Variants in A4GALT observed in about 807,000 individuals in gnomAD.
The protein encoded by A4GALT is alpha 1,4-galactosyltransferase (P1PK blood group), also known as lactosylceramide 4-alpha-galactosyltransferase.
For synonymous variants in A4GALT, 257 were observed against 220.7 expected (o/e 1.16, Z -1.46); for missense variants, 512 against 486.0 (o/e 1.05, Z -0.50).
At chr22:42,710,697 GAAATAAATAAATAAAT>G (rs57644282) in intron 1 of A4GALT, among the ~76,000 whole-genome samples, 53 of 144,396 alleles carry the variant, frequency 3.7e-4, no homozygotes, top group African/African-American at 1.2e-3. Flanking sequence ...ACTCCAGCTC[GAAATAAATAAATAAAT>G]AAATAAATAA....
intron 1 of A4GALT, among the ~76,000 whole-genome samples, chr22:42,715,065 G>A (rs1164252308): frequency 6.6e-6 from 1 of 151,406 alleles, no homozygotes; most frequent in Non-Finnish European, 1.5e-5. Flanking sequence ...CAGGACAGGA[G>A]GTCAGAAAGA....
chr22:42,693,959 C>T lies in A4GALT; in HGVS notation c.-8G>A, dbSNP rs778758676. 1.3e-6 allele frequency: 2 copies of T among 1,566,930 alleles called. No homozygotes were observed. The highest frequency in any genetic ancestry group is 2.3e-5 in the South Asian group (2 of 85,714). On this transcript the variant is annotated 5_prime_UTR_variant, in exon 3 of 3. Coordinates refer to ENST00000642412, the MANE Select transcript of A4GALT (RefSeq NM_017436.7). ...GTCGGGGGGCTTGGACATGGTATCC[C>T]CAGATCAGACCAGGAGCTTCCAGCA...
chr22:42,693,498 C>A lies in A4GALT; in HGVS notation c.454G>T (p.Asp152Tyr). The A allele has an allele frequency of 1.2e-6, 2 of 1,613,136 alleles. No homozygotes were observed. Among genetic ancestry groups the A allele is most frequent in the South Asian group, 1.1e-5 (1 of 91,064 alleles). The change falls in exon 3 of 3, where the codon GAC becomes TAC. Residue 152 changes from aspartate (D) to tyrosine (Y), a missense_variant. Coordinates refer to ENST00000642412, the MANE Select transcript of A4GALT (RefSeq NM_017436.7). ...GCGTACCAGTCGGCCAGGGGTGTGT[C>A]CCGGAACAGCTCCCGCAGGTCCAGC... Reference protein sequence around the residue: ...LPLDLRELFRDTPLADWYAAV... With the variant: ...LPLDLRELFRYTPLADWYAAV...
chr22:42,706,394 T>C (rs1446861235), intron 1 of A4GALT, among the ~76,000 whole-genome samples: 1 of 147,858 alleles, frequency 6.8e-6, no homozygotes, highest in African/African-American at 2.5e-5. Context: ...CCCACTAATC[T>C]TGAAGGAGAA....
At chr22:42,717,192 G>A (rs1477592283) in intron 1 of A4GALT, among the ~76,000 whole-genome samples, 2 of 152,190 alleles carry the variant, frequency 1.3e-5, no homozygotes, top group South Asian at 4.1e-4. Context: ...AGATGGGAGA[G>A]GAAAAGGCAC....
At chr22:42,702,929 C>G (rs1920932880) in intron 1 of A4GALT, among the ~76,000 whole-genome samples, 5 of 117,210 alleles carry the variant, frequency 4.3e-5, no homozygotes, top group African/African-American at 2.8e-4. Flanking sequence ...TCCCTGCTCC[C>G]CTGTTTAACT....
chr22:42,711,103 A>G (rs913432318), intron 1 of A4GALT, among the ~76,000 whole-genome samples: 2 of 152,128 alleles, frequency 1.3e-5, no homozygotes, highest in Non-Finnish European at 2.9e-5. Context: ...TCTAATATAT[A>G]AAGAGCTCCC....
At chr22:42,694,418 A>C (rs1930769954) in intron 2 of A4GALT, 2 of 194,712 alleles carry the variant, frequency 1.0e-5, no homozygotes, top group African/African-American at 2.3e-5. Flanking sequence ...AGCTCCATAA[A>C]CCAGGCCTGG....
intron 1 of A4GALT, among the ~76,000 whole-genome samples, chr22:42,699,612 C>T (rs1370161912): frequency 2.0e-5 from 3 of 152,140 alleles, no homozygotes; most frequent in Non-Finnish European, 2.9e-5. Context: ...GGGCAAGGGA[C>T]GCAGGACTGC....
intron 1 of A4GALT, among the ~76,000 whole-genome samples, chr22:42,703,906 C>T (rs528624867): frequency 3.5e-4 from 54 of 152,282 alleles, no homozygotes; most frequent in African/African-American, 1.3e-3. Flanking sequence ...TGACAGCTTC[C>T]GCACCTGCTA....
In A4GALT at chr22:42,706,070, AG is replaced by A. The variant is rs201281034; in HGVS notation, c.-187-10440del. Among the ~76,000 whole-genome samples the A allele has an allele frequency of 7.6e-3, 772 of 101,834 alleles. 95 individuals are homozygous for A. The highest frequency in any genetic ancestry group is 0.019 in the African/African-American group (617 of 32,302). 66.8% of individuals were successfully genotyped at this position (101,834 alleles called of 152,430 possible). ...ATCTCAAAAAAAAAAAAAAAAAAAA[AG>A]TTGGCCGGGTGCGGTGGCTCACGCC... is the stretch of plus-strand genomic sequence containing the variant. On this transcript the variant is annotated intron_variant, in intron 1 of 2. Coordinates refer to ENST00000642412, the MANE Select transcript of A4GALT (RefSeq NM_017436.7).
chr22:42,714,840 G>C (rs918721722), intron 1 of A4GALT, among the ~76,000 whole-genome samples: 1 of 152,112 alleles, frequency 6.6e-6, no homozygotes, highest in African/African-American at 2.4e-5. Flanking sequence ...CAGGGAGATG[G>C]GCTGCGGGGC....
At chr22:42,710,848 C>A (rs1921627292) in intron 1 of A4GALT, among the ~76,000 whole-genome samples, 1 of 151,800 alleles carries the variant, frequency 6.6e-6, no homozygotes. Flanking sequence ...ATGGCAAAAC[C>A]CTATCTCTAC....
In A4GALT at chr22:42,701,633, G is replaced by T. The variant is rs529021077; in HGVS notation, c.-187-6002C>A. Among the ~76,000 whole-genome samples the T allele has an allele frequency of 2.6e-5, 4 of 152,318 alleles. No individual in the cohort carries two copies. The South Asian group carries it at 8.3e-4, about 32-fold the overall frequency. ...CCTGAGAACACCTGCTGTCCTGTGG[G>T]GAGCCACCCCTGCCTGTGGGCCCTG... On this transcript the variant is annotated intron_variant, in intron 1 of 2. Coordinates refer to ENST00000642412, the MANE Select transcript of A4GALT (RefSeq NM_017436.7).
At chr22:42,708,878 T>C (rs1921405402) in intron 1 of A4GALT, among the ~76,000 whole-genome samples, 1 of 150,624 alleles carries the variant, frequency 6.6e-6, no homozygotes, top group Non-Finnish European at 1.5e-5. Flanking sequence ...CCAGAAGACA[T>C]AGCTAATCTA....
At chr22:42,694,904 T>G (rs1930816177) in intron 2 of A4GALT, 1 of 152,198 alleles carries the variant, frequency 6.6e-6, no homozygotes. Context: ...CATAGGAACA[T>G]GTGTGGCCCC....
chr22:42,719,604 G>A (rs185338006), intron 1 of A4GALT, among the ~76,000 whole-genome samples: 1 of 152,222 alleles, frequency 6.6e-6, no homozygotes, highest in East Asian at 1.9e-4. Flanking sequence ...GCAGGGTTTC[G>A]GGTCCTGGAG....
At chr22:42,705,265 G>A (rs1920984144) in intron 1 of A4GALT, among the ~76,000 whole-genome samples, 1 of 152,088 alleles carries the variant, frequency 6.6e-6, no homozygotes, top group Non-Finnish European at 1.5e-5. Context: ...CGGGGGTGAG[G>A]AGCACAAATA....
intron 1 of A4GALT, among the ~76,000 whole-genome samples, chr22:42,709,060 T>TAC: frequency 9.5e-6 from 1 of 105,164 alleles, no homozygotes; most frequent in South Asian, 3.3e-4. Flanking sequence ...TATATATATA[T>TAC]ATATATATTT....
Sources: allele counts gnomAD v4.1 joint callset (sites outside exome capture counted in the v4.1 genomes callset), GRCh38; gene constraint gnomAD v4.1.1; transcripts MANE v1.5; gene names NCBI Gene and HGNC (gene_info 2026-07-23, HGNC 2026-07-21).